ZNF8: variants seen among roughly 807,000 people sequenced by gnomAD.
The protein encoded by ZNF8 is zinc finger protein 272.
In ZNF8, 9 loss-of-function variants were observed where a neutral mutation model predicts 12.2. That is an observed-to-expected ratio of 0.73 (90% confidence interval 0.44 to 1.28). The LOEUF (loss-of-function observed/expected upper bound fraction) is 1.28. ZNF8 is among the 50% of genes most tolerant of loss of function. The pLI is 0.00. For synonymous variants in ZNF8, 274 were observed against 282.3 expected, an observed-to-expected ratio of 0.97 and a Z score of 0.30; for missense variants, 664 against 729.1, an observed-to-expected ratio of 0.91 and a Z score of 1.03.
In ZNF8 at chr19:58,294,614, A is replaced by G; in HGVS notation, c.806A>G (p.Asn269Ser). 1 of 1,614,080 alleles carries G rather than the reference A, an allele frequency of 6.2e-7. No individual in the cohort carries two copies. The highest frequency in any genetic ancestry group is 8.5e-7 in the Non-Finnish European group (1 of 1,180,020). Residue 269 changes from asparagine (N) to serine (S), a missense_variant, in exon 4 of 4, where the codon AAC becomes AGC. Around this residue, in one of 3 missense-constraint regions of ZNF8, gnomAD observed 133 missense variants for 198.4 expected, o/e 0.67. Coordinates refer to ENST00000621650, the MANE Select transcript of ZNF8 (RefSeq NM_021089.3). The surrounding 1 kb of genome is among the most constrained non-coding windows in gnomAD (Gnocchi z 5.5). ...GACTGTGGGAAGTCGTTTAACCATA[A>G]CGCACACCTCACCGTGCACAAGAGG... ...CTDCGKSFNH[N>S]AHLTVHKRIH...
intron 3 of ZNF8, among the ~76,000 whole-genome samples, chr19:58,292,361 A>G (rs1043154449): frequency 1.2e-4 from 19 of 152,198 alleles, no homozygotes; most frequent in East Asian, 3.9e-4. Flanking sequence ...CCCTTCCTCA[A>G]TTGCAGAAGG....
At chr19:58,291,823 T>G (rs751717864) in intron 3 of ZNF8, among the ~76,000 whole-genome samples, 1 of 152,070 alleles carries the variant, frequency 6.6e-6, no homozygotes, top group Non-Finnish European at 1.5e-5. Context: ...TGGGCAGATG[T>G]CTGGGGATGA....
chr19:58,285,828 C>T lies in ZNF8; in HGVS notation c.178C>T (p.His60Tyr). The change falls in exon 2 of 4, where the codon CAC becomes TAC. Residue 60 changes from histidine (H) to tyrosine (Y), a missense_variant. Around this residue, in one of 3 missense-constraint regions of ZNF8, gnomAD observed 306 missense variants for 308.7 expected, o/e 0.99. Coordinates refer to ENST00000621650, the MANE Select transcript of ZNF8 (RefSeq NM_021089.3). ...TGACGTGATGCTGGAGACCTTTGGT[C>T]ACCTGCTCTCCATAGGTAAGCCCTG... is the stretch of plus-strand genomic sequence containing the variant. ...YRDVMLETFG[H>Y]LLSIGPELPK... 2 of 1,612,430 alleles carry T rather than the reference C, an allele frequency of 1.2e-6. No homozygotes were observed. The highest frequency in any genetic ancestry group is 1.7e-6 in the Non-Finnish European group (2 of 1,179,044).
chr19:58,293,121 G>A (rs2051430274), intron 3 of ZNF8, among the ~76,000 whole-genome samples: 1 of 152,030 alleles, frequency 6.6e-6, no homozygotes, highest in African/African-American at 2.4e-5. Context: ...AATAATTTTT[G>A]TATTTTTAGT....
At chr19:58,288,850 C>T (rs1446984934) in intron 3 of ZNF8, among the ~76,000 whole-genome samples, 1 of 152,134 alleles carries the variant, frequency 6.6e-6, no homozygotes, top group Non-Finnish European at 1.5e-5. Context: ...TTTTCCTGCC[C>T]CTTTCATCGG....
In ZNF8 at chr19:58,279,750, G is replaced by C. The variant is rs540157982; in HGVS notation, c.66+603G>C. The C allele has an allele frequency of 2.0e-6, 3 of 1,503,738 alleles. No individual in the cohort carries two copies. The South Asian group carries it at 3.6e-5, about 18-fold the overall frequency. 93.1% of individuals were successfully genotyped at this position (1,503,738 alleles called of 1,614,324 possible). A position where few individuals can be genotyped will look rare whatever the true frequency, so the allele number is the denominator to read the frequency against. On this transcript the variant is annotated intron_variant, in intron 1 of 3. Transcript: ENST00000621650. Reference sequence around the variant, plus strand: ...GTGCAGGGCGGTCAGTGTTTGCAGGGCCATCTGGCCATCAGAGCTCCACTT... The same window carrying C: ...GTGCAGGGCGGTCAGTGTTTGCAGGCCCATCTGGCCATCAGAGCTCCACTT...
In ZNF8 at chr19:58,298,665, T is replaced by C. The variant is rs577715916; in HGVS notation, c.*3129T>C. 11 of 152,124 alleles carry C rather than the reference T, an allele frequency of 7.2e-5. No homozygotes were observed. The highest frequency in any genetic ancestry group is 3.3e-4 in the Admixed American group (5 of 15,270). 9.4% of individuals were successfully genotyped at this position (152,124 alleles called of 1,614,324 possible). On this transcript the variant is annotated 3_prime_UTR_variant, in exon 4 of 4. Transcript: ENST00000621650. ...TCTGTGATGAAACGGGAAAAATTAA[T>C]TTTGTTAAATCTCAAGTAGAACTAT...
At position 58,302,785 on chromosome 19, in the gene ZNF8, A is replaced by T. The variant is rs1422045016; in HGVS notation, c.*7249A>T. ...CAAACTTGCTGGGAATAAATCCTAC[A>T]CATATATTTGTATGTGTGCAGACTG... On this transcript the variant is annotated 3_prime_UTR_variant, in exon 4 of 4. Coordinates refer to ENST00000621650, the MANE Select transcript of ZNF8 (RefSeq NM_021089.3). 6.6e-6 allele frequency: 1 copy of T among 152,236 alleles called. No individual in the cohort carries two copies. Among genetic ancestry groups the T allele is most frequent in the African/African-American group, 2.4e-5 (1 of 41,452 alleles). 9.4% of individuals were successfully genotyped at this position (152,236 alleles called of 1,614,324 possible).
chr19:58,290,600 A>G (rs1396989420), intron 3 of ZNF8, among the ~76,000 whole-genome samples: 1 of 152,200 alleles, frequency 6.6e-6, no homozygotes, highest in Non-Finnish European at 1.5e-5. Context: ...TCTCTACAAA[A>G]AAATTTAAAA....
At chr19:58,283,748 C>G (rs1187040820) in intron 1 of ZNF8, among the ~76,000 whole-genome samples, 1 of 151,788 alleles carries the variant, frequency 6.6e-6, no homozygotes. Context: ...TACAGACGCC[C>G]ACCACCACGC....
chr19:58,291,777 G>T (rs775144185), intron 3 of ZNF8, among the ~76,000 whole-genome samples: 16 of 152,182 alleles, frequency 1.1e-4, no homozygotes, highest in Non-Finnish European at 2.4e-4. Flanking sequence ...AGGCCTCTCT[G>T]AGAAAGTGAC....
rs762244615 is a variant in ZNF8, at chr19:58,294,819, G to A, written c.1011G>A (p.Gly337=). 1.9e-6 allele frequency: 3 copies of A among 1,614,054 alleles called. No homozygotes were observed. The Admixed American group carries it at 5.0e-5, about 27-fold the overall frequency. The change falls in exon 4 of 4, where the codon GGG becomes GGA. Residue 337 remains glycine, a synonymous_variant. Transcript: ENST00000621650. This position sits in a 1 kb window ranked among gnomAD's most constrained non-coding sequence, Gnocchi z 5.5. ...HLTVHRRIHT[G]EKPYECQDCG... Reference sequence around the variant, plus strand: ...CCGTCCATCGGAGGATTCACACTGGGGAGAAGCCCTATGAGTGTCAGGACT... The same window carrying A: ...CCGTCCATCGGAGGATTCACACTGGAGAGAAGCCCTATGAGTGTCAGGACT...
chr19:58,298,449 T>G lies in ZNF8; in HGVS notation c.*2913T>G, dbSNP rs2051470708. ...AAGCAGTTCTCATGCTTCAGCCCTC[T>G]AAGTAGCTGGGATGACAGGTGTGCG... On this transcript the variant is annotated 3_prime_UTR_variant, in exon 4 of 4. Transcript: ENST00000621650. 6.6e-6 allele frequency: 1 copy of G among 152,158 alleles called. No individual in the cohort carries two copies. Among genetic ancestry groups the G allele is most frequent in the Admixed American group, 6.6e-5 (1 of 15,258 alleles). The allele number at this position is 152,158 out of a possible 1,614,324, so 9.4% of individuals were successfully genotyped here.
In ZNF8 at chr19:58,295,802, CA is replaced by C. The variant is rs563637905; in HGVS notation, c.*274del. On this transcript the variant is annotated 3_prime_UTR_variant, in exon 4 of 4. Coordinates refer to ENST00000621650, the MANE Select transcript of ZNF8 (RefSeq NM_021089.3). Reference sequence around the variant, plus strand: ...TATAACCTACCCACCTGTGTAATGTCAAAAAAAATCAATATGCGGCCCCATT... The same window carrying C: ...TATAACCTACCCACCTGTGTAATGTCAAAAAAATCAATATGCGGCCCCATT... The C allele has an allele frequency of 1.9e-4, 71 of 380,052 alleles. No individual in the cohort carries two copies. Among genetic ancestry groups the C allele is most frequent in the East Asian group, 2.9e-4 (7 of 24,074 alleles). The allele number at this position is 380,052 out of a possible 1,614,324, so 23.5% of individuals were successfully genotyped here. A position where few individuals can be genotyped will look rare whatever the true frequency, so the allele number is the denominator to read the frequency against.
rs2051448200 is a variant in ZNF8 at position 58,295,421 on chromosome 19, T to C, written c.1613T>C (p.Leu538Pro). The C allele has an allele frequency of 6.2e-7, 1 of 1,613,972 alleles. No individual in the cohort carries two copies. Among genetic ancestry groups the C allele is most frequent in the South Asian group, 1.1e-5 (1 of 91,094 alleles). The change falls in exon 4 of 4, where the codon CTG (leucine) becomes CCG (proline). Residue 538 changes from leucine to proline, a missense_variant. Leu to Pro is a moderately conservative substitution (Grantham distance 98). This residue lies in a region of ZNF8 where 225 missense variants were observed against 222.0 expected (regional missense o/e 1.01). Coordinates refer to ENST00000621650, the MANE Select transcript of ZNF8 (RefSeq NM_021089.3). Reference sequence around the variant, plus strand: ...GCAGGGCAGCCGGAAAGCAGAGCCCTGGCTTTGTTTGACATCCAAAAAATC... The same window carrying C: ...GCAGGGCAGCCGGAAAGCAGAGCCCCGGCTTTGTTTGACATCCAAAAAATC... The part of the protein sequence containing the change: ...AKAGQPESRA[L>P]ALFDIQKIMQ...
rs553969912 is a variant in ZNF8 at position 58,299,144 on chromosome 19, G to C, written c.*3608G>C. 6.1e-5 allele frequency: 9 copies of C among 148,026 alleles called. No homozygotes were observed. Among genetic ancestry groups the C allele is most frequent in the Non-Finnish European group, 1.5e-5 (1 of 67,566 alleles). 9.2% of individuals were successfully genotyped at this position (148,026 alleles called of 1,614,324 possible). On this transcript the variant is annotated 3_prime_UTR_variant, in exon 4 of 4. Transcript: ENST00000621650. ...TTTTTTTTTTTTGAGACAGAGTCTC[G>C]CTGTGTCACCCAGGCTGGAGTGCAG... is the stretch of plus-strand genomic sequence containing the variant.
chr19:58,287,498 A>G (rs983853103), intron 3 of ZNF8, among the ~76,000 whole-genome samples: 3 of 148,680 alleles, frequency 2.0e-5, no homozygotes, highest in African/African-American at 7.5e-5. Flanking sequence ...ACACCTGGCT[A>G]ATTTTCTTTT....
intron 3 of ZNF8, among the ~76,000 whole-genome samples, chr19:58,287,672 C>T (rs2051392208): frequency 8.8e-6 from 1 of 113,040 alleles, no homozygotes; most frequent in African/African-American, 3.3e-5. Context: ...GAGACAGTCT[C>T]ACTCCGTTGC....
intron 1 of ZNF8, 179 bp downstream of exon 1, chr19:58,279,326 G>A: frequency 6.7e-7 from 1 of 1,485,774 alleles, no homozygotes; most frequent in Non-Finnish European, 9.0e-7. Context: ...AGAGGGGGCC[G>A]GGATTCCAAC....
Sources: gnomAD v4.1 joint callset for allele counts (sites outside exome capture counted in the v4.1 genomes callset) on GRCh38, gnomAD v4.1.1 for gene constraint, gnomAD v4.1.1 regional missense constraint, Gnocchi (gnomAD v3.1) non-coding constraint, MANE v1.5 for transcripts, NCBI Gene and HGNC (gene_info 2026-07-23, HGNC 2026-07-21) for gene names.